Variants in ARNT2 observed in about 807,000 individuals in gnomAD.
The protein encoded by ARNT2 is aryl hydrocarbon receptor nuclear translocator 2, also known as ARNT protein 2.
ARNT2 carries 36 observed loss-of-function variants against 91.7 expected under a neutral mutation model. The ratio of observed to expected loss-of-function variants is 0.39; its 90% CI spans 0.30 to 0.52. The LOEUF is 0.52. Among genes scored for constraint, ARNT2 ranks in the 20% least tolerant of loss-of-function variants. The pLI, the probability that ARNT2 is intolerant of heterozygous loss-of-function variation, is 0.72. For missense variants in ARNT2, 775 were observed against 939.3 expected (o/e 0.83, Z 2.29); for synonymous variants, 365 against 347.1 (o/e 1.05, Z -0.57).
intron 1 of ARNT2, 104 bp from the exon 2 acceptor site, chr15:80,450,776 G>A: frequency 3.6e-6 from 4 of 1,116,458 alleles, no homozygotes; most frequent in Non-Finnish European, 5.5e-6. Context: ...CAGGTCCCTG[G>A]GCTCTCTGCG....
At chr15:80,464,325 T>G (rs376896906) in intron 3 of ARNT2, among the ~76,000 whole-genome samples, 17,188 of 137,890 alleles carry the variant, frequency 0.12, 1,070 homozygotes, top group Admixed American at 0.17. Context: ...GGGCTGGGGG[T>G]GGGGGGTTGC....
At chr15:80,455,710 C>T (rs554772622) in intron 2 of ARNT2, among the ~76,000 whole-genome samples, 38 of 152,136 alleles carry the variant, frequency 2.5e-4, no homozygotes, top group African/African-American at 9.2e-4. Context: ...CTAAACACCC[C>T]GAAGATCATG....
At chr15:80,458,752 C>A (rs928425243) in intron 3 of ARNT2, among the ~76,000 whole-genome samples, 1 of 151,894 alleles carries the variant, frequency 6.6e-6, no homozygotes, top group Non-Finnish European at 1.5e-5. Flanking sequence ...TCATTCTTAG[C>A]AAAATTCACA....
At chr15:80,564,924 CT>C (rs66830115) in intron 12 of ARNT2, among the ~76,000 whole-genome samples, 117,603 of 146,326 alleles carry the variant, frequency 0.8, 47,192 homozygotes, top group East Asian at 0.98. Context: ...TCTTCTTCTC[CT>C]TTTTTTTTTT....
chr15:80,556,821 A>G (rs77031865), intron 11 of ARNT2: 3,568 of 152,288 alleles, frequency 0.023, 61 homozygotes, highest in East Asian at 0.11. Context: ...GTGATGAATG[A>G]GAGAACCAGG....
chr15:80,410,046 G>C (rs572721968), intron 1 of ARNT2, among the ~76,000 whole-genome samples: 1 of 152,220 alleles, frequency 6.6e-6, no homozygotes, highest in African/African-American at 2.4e-5. Context: ...TGAGCAAGGG[G>C]CATGATCTGA....
intron 17 of ARNT2, among the ~76,000 whole-genome samples, chr15:80,590,010 T>C (rs1186892283): frequency 1.3e-5 from 2 of 152,226 alleles, no homozygotes; most frequent in Non-Finnish European, 2.9e-5. Context: ...AGGGACCTTA[T>C]GCATTTTATT....
chr15:80,499,618 G>A (rs981313832), intron 5 of ARNT2, among the ~76,000 whole-genome samples: 2 of 152,238 alleles, frequency 1.3e-5, no homozygotes, highest in African/African-American at 4.8e-5. Context: ...AAAGAGAAAA[G>A]AGGGGGAAAG....
Position 80,463,471 on chromosome 15 carries a change from TGGGTTA to T in ARNT2, c.194+5521_194+5526del, listed in dbSNP as rs573736518. ...TTATGAGCAACTAAAGTTGCTTCAG[TGGGTTA>T]GGGTTAGGGTTAGGGTTAGGGTTAG... On this transcript the variant is annotated intron_variant, in intron 3 of 18. Coordinates refer to ENST00000303329, the MANE Select transcript of ARNT2 (RefSeq NM_014862.4). Among the ~76,000 whole-genome samples, 117 of 151,962 alleles carry T rather than the reference TGGGTTA, an allele frequency of 7.7e-4. 1 individual carries two copies. The highest frequency in any genetic ancestry group is 1.9e-3 in the African/African-American group (79 of 41,436).
intron 2 of ARNT2, among the ~76,000 whole-genome samples, chr15:80,455,950 A>G (rs986174292): frequency 6.6e-6 from 1 of 152,160 alleles, no homozygotes; most frequent in Non-Finnish European, 1.5e-5. Context: ...AATAACCTTC[A>G]TGTGGACGGC....
intron 5 of ARNT2, among the ~76,000 whole-genome samples, chr15:80,482,678 T>A (rs1444327054): frequency 1.3e-5 from 2 of 152,154 alleles, no homozygotes; most frequent in Non-Finnish European, 1.5e-5. Context: ...GCATCAAAGC[T>A]CTGAGACTGA....
At chr15:80,515,339 A>T (rs1420263842) in intron 8 of ARNT2, among the ~76,000 whole-genome samples, 1 of 152,240 alleles carries the variant, frequency 6.6e-6, no homozygotes, top group African/African-American at 2.4e-5. Flanking sequence ...ACTCAAATGT[A>T]CACCAAGTGA....
intron 10 of ARNT2, among the ~76,000 whole-genome samples, chr15:80,553,184 T>G (rs1596009738): frequency 1.3e-5 from 2 of 152,288 alleles, no homozygotes; most frequent in Admixed American, 1.3e-4. Flanking sequence ...TTTGTATAGG[T>G]GGCACGTCTT....
chr15:80,456,344 T>C (rs1301401978), intron 2 of ARNT2, among the ~76,000 whole-genome samples: 1 of 152,090 alleles, frequency 6.6e-6, no homozygotes, highest in Non-Finnish European at 1.5e-5. Flanking sequence ...ATTTCTGTTA[T>C]CATTACTGTC....
Position 80,575,046 on chromosome 15 carries a change from G to A in ARNT2, c.1449G>A (p.Ala483=), listed in dbSNP as rs373698120. The A allele has an allele frequency of 4.0e-5, 64 of 1,614,036 alleles. No individual in the cohort carries two copies. Among genetic ancestry groups the A allele is most frequent in the Middle Eastern group, 1.6e-4 (1 of 6,084 alleles). The change falls in exon 14 of 19, where the codon GCG becomes GCA. Residue 483 remains alanine, a synonymous_variant. Transcript: ENST00000303329. ...VHEAGKSVEK[A]DAIFSQERDP... ...AGGCCGGGAAGTCCGTGGAAAAGGC[G>A]GATGCAATCTTCTCCCAGGAAAGAG...
rs56146872 is a variant in ARNT2 at position 80,516,828 on chromosome 15, AATATAT to A, written c.877+2446_877+2451del. 3.6e-3 allele frequency among the ~76,000 whole-genome samples: 268 copies of A among 74,806 alleles called. 6 individuals carry two copies. The highest frequency in any genetic ancestry group is 0.033 in the East Asian group (72 of 2,164). The allele number at this position is 74,806 out of a possible 152,430, so 49.1% of individuals were successfully genotyped here. On this transcript the variant is annotated intron_variant, in intron 8 of 18. Transcript: ENST00000303329. ...TTTACAATTATTATATACAATTACAAATATATATATATATATATATATATATATCCA... is the reference window on the plus strand; with the variant it reads ...TTTACAATTATTATATACAATTACAAATATATATATATATATATATATCCA...
chr15:80,428,130 G>GA (rs1428834321), intron 1 of ARNT2, among the ~76,000 whole-genome samples: 1 of 152,234 alleles, frequency 6.6e-6, no homozygotes, highest in African/African-American at 2.4e-5. Context: ...TGACTGAGTG[G>GA]AAGACTCCGT....
In ARNT2 at chr15:80,462,914, T is replaced by C. The variant is rs74398885; in HGVS notation, c.194+4938T>C. Among the ~76,000 whole-genome samples, 783 of 152,344 alleles carry C rather than the reference T, an allele frequency of 5.1e-3. 5 individuals carry two copies. Among genetic ancestry groups the C allele is most frequent in the Non-Finnish European group, 8.7e-3 (593 of 68,030 alleles). ...ACTTCCCTTTTGGTTTTGTGTGGTA[T>C]TTAAGCTTGTAGGCATTTTCCCCCC... On this transcript the variant is annotated intron_variant, in intron 3 of 18. Coordinates refer to ENST00000303329, the MANE Select transcript of ARNT2 (RefSeq NM_014862.4).
At chr15:80,452,964 G>T (rs1896423171) in intron 2 of ARNT2, among the ~76,000 whole-genome samples, 1 of 152,176 alleles carries the variant, frequency 6.6e-6, no homozygotes, top group Admixed American at 6.5e-5. Flanking sequence ...TAGAGACAGG[G>T]TCTCGCTCTG....
Sources: gnomAD v4.1 joint callset for allele counts (sites outside exome capture counted in the v4.1 genomes callset) on GRCh38, gnomAD v4.1.1 for gene constraint, MANE v1.5 for transcripts, NCBI Gene and HGNC (gene_info 2026-07-23, HGNC 2026-07-21) for gene names.